The following NAV3 variants were observed in gnomAD, a reference collection of about 807,000 sequenced individuals.
NAV3 encodes neuron navigator 3.
In NAV3, 87 loss-of-function variants were observed where a neutral mutation model predicts 244.7. The observed-to-expected ratio is 0.36, with a 90% CI of 0.30 to 0.42. NAV3 has a LOEUF of 0.42. NAV3 is among the 20% of genes least tolerant of loss of function. NAV3 has a pLI of 1.00. For synonymous variants in NAV3, 1,126 were observed against 1,042.2 expected (o/e 1.08, Z -1.55); for missense variants, 2,663 against 2,893.3 (o/e 0.92, Z 1.83).
intron 2 of NAV3, among the ~76,000 whole-genome samples, chr12:77,633,834 A>C (rs117711351): frequency 0.01 from 1,555 of 152,282 alleles, 17 homozygotes; most frequent in Non-Finnish European, 0.016. Flanking sequence ...GTATTATTAG[A>C]ATGCTAATTA....
At chr12:77,862,814 G>A (rs2136350936) in intron 1 of NAV3, among the ~76,000 whole-genome samples, 1 of 151,708 alleles carries the variant, frequency 6.6e-6, no homozygotes, top group Non-Finnish European at 1.5e-5. Flanking sequence ...TCAGGCAGAA[G>A]TTTCTTGGAT....
At chr12:78,141,500 C>A (rs1956612251) in intron 20 of NAV3, among the ~76,000 whole-genome samples, 1 of 152,108 alleles carries the variant, frequency 6.6e-6, no homozygotes, top group Non-Finnish European at 1.5e-5. Context: ...ATCAACTGAG[C>A]ATCATGGGCA....
intron 7 of NAV3, among the ~76,000 whole-genome samples, 173 bp downstream of exon 7, chr12:77,998,649 C>T (rs947394504): frequency 3.3e-5 from 5 of 152,136 alleles, no homozygotes; most frequent in South Asian, 2.1e-4. Flanking sequence ...ATCTGAAGAA[C>T]ATTTTAAACA....
chr12:78,049,095 C>T (rs1882325106), intron 9 of NAV3, among the ~76,000 whole-genome samples: 1 of 152,156 alleles, frequency 6.6e-6, no homozygotes, highest in Non-Finnish European at 1.5e-5. Context: ...TCCCAGGTGT[C>T]CTTCAGACTG....
At chr12:78,094,854 C>G (rs1307249421) in intron 12 of NAV3, among the ~76,000 whole-genome samples, 1 of 151,730 alleles carries the variant, frequency 6.6e-6, no homozygotes, top group Non-Finnish European at 1.5e-5. Flanking sequence ...TGAGACCATC[C>G]TGGCCAACAT....
chr12:77,815,078 A>G (rs1872476046), intron 2 of NAV3, among the ~76,000 whole-genome samples: 1 of 152,306 alleles, frequency 6.6e-6, no homozygotes, highest in East Asian at 1.9e-4. Flanking sequence ...GAAGGGTTAC[A>G]CAGTCCTTGA....
chr12:77,981,232 C>G (rs1869503292), intron 5 of NAV3, among the ~76,000 whole-genome samples: 1 of 152,068 alleles, frequency 6.6e-6, no homozygotes, highest in Non-Finnish European at 1.5e-5. Flanking sequence ...TGCAAAATGC[C>G]TTTAATATTT....
chr12:78,164,294 G>A (rs1957687899), intron 23 of NAV3, among the ~76,000 whole-genome samples: 1 of 152,034 alleles, frequency 6.6e-6, no homozygotes, highest in East Asian at 1.9e-4. Flanking sequence ...CCCCTTGTAT[G>A]AGTGATGAAG....
intron 12 of NAV3, among the ~76,000 whole-genome samples, chr12:78,069,025 G>T (rs1439359817): frequency 6.6e-6 from 1 of 151,284 alleles, no homozygotes; most frequent in Non-Finnish European, 1.5e-5. Context: ...TTCAATTTGG[G>T]ATCATTAAAT....
At chr12:77,962,213 C>T (rs1338250009) in intron 3 of NAV3, among the ~76,000 whole-genome samples, 1 of 152,076 alleles carries the variant, frequency 6.6e-6, no homozygotes, top group Non-Finnish European at 1.5e-5. Flanking sequence ...TGTTCCTCTT[C>T]TTTTATGTCT....
chr12:78,204,838 C>A, intron 38 of NAV3, 97 bp from the exon 39 acceptor site: 2 of 1,049,964 alleles, frequency 1.9e-6, no homozygotes, highest in Non-Finnish European at 2.8e-6. Flanking sequence ...CCCTTAAGAA[C>A]TCAATATGTC....
chr12:77,785,283 A>T (rs1214659632), intron 2 of NAV3, among the ~76,000 whole-genome samples: 1 of 152,094 alleles, frequency 6.6e-6, no homozygotes, highest in African/African-American at 2.4e-5. Flanking sequence ...GACTCTGCCC[A>T]TGTGTTTCCT....
At chr12:78,037,910 A>G (rs570451498) in intron 9 of NAV3, among the ~76,000 whole-genome samples, 1 of 152,286 alleles carries the variant, frequency 6.6e-6, no homozygotes, top group South Asian at 2.1e-4. Context: ...ACACTTTCAG[A>G]AATACAGGGG....
chr12:77,594,892 G>T (rs1190935882), intron 2 of NAV3, among the ~76,000 whole-genome samples: 2 of 152,090 alleles, frequency 1.3e-5, no homozygotes, highest in Non-Finnish European at 2.9e-5. Flanking sequence ...TTGCTTCTGT[G>T]GTAGAAGATC....
At chr12:77,586,862 G>A (rs111729456) in intron 2 of NAV3, among the ~76,000 whole-genome samples, 12 of 152,248 alleles carry the variant, frequency 7.9e-5, no homozygotes, top group Middle Eastern at 3.4e-3. Flanking sequence ...AGTTCAATAG[G>A]CTGCTGAAAT....
intron 2 of NAV3, among the ~76,000 whole-genome samples, chr12:77,605,116 G>T (rs978977061): frequency 1.3e-5 from 2 of 152,054 alleles, no homozygotes; most frequent in South Asian, 2.1e-4. Context: ...TGTCTATGCT[G>T]TAGAAATGTC....
chr12:77,992,951 T>G (rs1871696988), intron 5 of NAV3, among the ~76,000 whole-genome samples: 1 of 152,204 alleles, frequency 6.6e-6, no homozygotes, highest in African/African-American at 2.4e-5. Flanking sequence ...GCTTCACCAG[T>G]GCAAGAAAGC....
chr12:77,955,632 G>A (rs1305930089), intron 3 of NAV3, among the ~76,000 whole-genome samples: 1 of 152,026 alleles, frequency 6.6e-6, no homozygotes, highest in Admixed American at 6.6e-5. Context: ...CACTTTGAGA[G>A]GCCAAGCATG....
rs929971189 is a variant in NAV3, at chr12:78,045,398, C to T, written c.2024-4595C>T. Among the ~76,000 whole-genome samples the T allele has an allele frequency of 8.5e-5, 13 of 152,074 alleles. No individual in the cohort carries two copies. The East Asian group carries it at 9.7e-4, about 11-fold the overall frequency. ...GCAACCTCCGCCTCCTAAGTACAAG[C>T]GATTCTCCTGCCTCAGCCTCCCGAG... On this transcript the variant is annotated intron_variant, in intron 9 of 39. Coordinates refer to ENST00000397909, the MANE Select transcript of NAV3 (RefSeq NM_001024383.2).
Sources: allele counts gnomAD v4.1 joint callset (sites outside exome capture counted in the v4.1 genomes callset), GRCh38; gene constraint gnomAD v4.1.1; transcripts MANE v1.5; gene names NCBI Gene and HGNC (gene_info 2026-07-23, HGNC 2026-07-21).